CCAR1: variants seen among roughly 807,000 people sequenced by gnomAD.
CCAR1 encodes cell division cycle and apoptosis regulator 1, also known as cell division cycle and apoptosis regulator protein 1.
A neutral mutation model predicts 163.8 loss-of-function variants in CCAR1; 78 were observed. That is an observed-to-expected ratio of 0.48 (90% confidence interval 0.40 to 0.57). The LOEUF (loss-of-function observed/expected upper bound fraction) is 0.57, where lower values mean the gene tolerates loss of function less well. CCAR1 is among the 20% of genes least tolerant of loss of function. CCAR1 has a pLI of 0.00. For missense variants in CCAR1, 1,019 were observed against 1,365.2 expected, an observed-to-expected ratio of 0.75 and a Z score of 4.00; for synonymous variants, 443 against 460.7, an observed-to-expected ratio of 0.96 and a Z score of 0.49.
intron 13 of CCAR1, 85 bp downstream of exon 13, chr10:68,755,621 C>A: frequency 8.6e-7 from 1 of 1,167,300 alleles, no homozygotes; most frequent in Non-Finnish European, 1.2e-6. Context: ...TTCCCCCCGG[C>A]TTATTTTAGC....
chr10:68,745,617 C>G (rs1226062048), intron 6 of CCAR1, among the ~76,000 whole-genome samples: 4 of 152,008 alleles, frequency 2.6e-5, no homozygotes. Flanking sequence ...GTGCCTACCA[C>G]CACGCCTGGC....
At chr10:68,753,764 A>G in intron 10 of CCAR1, 88 bp from the exon 11 acceptor site, 1 of 939,662 alleles carries the variant, frequency 1.1e-6, no homozygotes, top group East Asian at 2.4e-5. Context: ...ACTTTTTACT[A>G]TATCCAGTTA....
At chr10:68,753,452 T>G (rs997955175) in intron 10 of CCAR1, among the ~76,000 whole-genome samples, 1 of 152,184 alleles carries the variant, frequency 6.6e-6, no homozygotes, top group African/African-American at 2.4e-5. Flanking sequence ...AAAACCTGAT[T>G]GAGGGGCGTA....
At chr10:68,788,846 T>G (rs1385800467) in intron 23 of CCAR1, among the ~76,000 whole-genome samples, 1 of 152,154 alleles carries the variant, frequency 6.6e-6, no homozygotes, top group African/African-American at 2.4e-5. Context: ...TATCTGAATC[T>G]TAGGTCTTCC....
intron 19 of CCAR1, among the ~76,000 whole-genome samples, chr10:68,784,858 T>C (rs2133430668): frequency 6.6e-6 from 1 of 152,110 alleles, no homozygotes; most frequent in East Asian, 1.9e-4. Context: ...TTTTAATATA[T>C]GTACTTTTTT....
At chr10:68,775,294 A>G (rs1287878997) in intron 19 of CCAR1, among the ~76,000 whole-genome samples, 1 of 152,148 alleles carries the variant, frequency 6.6e-6, no homozygotes, top group Non-Finnish European at 1.5e-5. Flanking sequence ...TTGCTTTAAT[A>G]TAGTAACTCA....
At chr10:68,783,659 C>T (rs1391275036) in intron 19 of CCAR1, among the ~76,000 whole-genome samples, 3 of 152,118 alleles carry the variant, frequency 2.0e-5, no homozygotes, top group African/African-American at 7.2e-5. Flanking sequence ...GAGGGAATAA[C>T]TGCAGGTATG....
chr10:68,790,123 G>A (rs903906427), intron 24 of CCAR1, among the ~76,000 whole-genome samples: 1 of 152,102 alleles, frequency 6.6e-6, no homozygotes, highest in Non-Finnish European at 1.5e-5. Context: ...GGAGGCCAAC[G>A]CGGGCGGATC....
intron 19 of CCAR1, among the ~76,000 whole-genome samples, chr10:68,781,286 T>C (rs989204430): frequency 2.0e-5 from 3 of 152,122 alleles, no homozygotes; most frequent in African/African-American, 7.2e-5. Context: ...CTCATACCTG[T>C]AATCCCGGCA....
At chr10:68,758,540 G>A (rs1389864943) in intron 15 of CCAR1, among the ~76,000 whole-genome samples, 24 of 142,902 alleles carry the variant, frequency 1.7e-4, no homozygotes, top group Admixed American at 2.7e-4. Flanking sequence ...GTGTGTGTGT[G>A]TGTGTATACA....
rs2056368444 is a variant in CCAR1, at chr10:68,753,938, T to C, written c.1205T>C (p.Val402Ala). 6.2e-7 allele frequency: 1 copy of C among 1,613,890 alleles called. No individual in the cohort carries two copies. The change falls in exon 11 of 25, where the codon GTG becomes GCG. Residue 402 changes from valine to alanine, a missense_variant. Physicochemically the swap from Val to Ala is moderately conservative, Grantham distance 64 (BLOSUM62 0). Around this residue, in one of 4 missense-constraint regions of CCAR1, gnomAD observed 644 missense variants for 904.4 expected, o/e 0.71. Transcript: ENST00000265872. ...SDFFDAQFTW[V>A]DAFPLSRPFQ... is the part of the protein sequence containing the mutation. ...TTTTTTGATGCTCAATTTACATGGG[T>C]GGATGCTTTCCCTTTGTCAAGACCA...
intron 6 of CCAR1, 25 bp from the exon 7 acceptor site, chr10:68,747,136 T>C (rs2056266818): frequency 8.0e-7 from 1 of 1,242,842 alleles, no homozygotes; most frequent in East Asian, 2.4e-5. Flanking sequence ...TATATTTAAC[T>C]TTTTTTTTCT....
chr10:68,752,951 A>G (rs991316883), intron 10 of CCAR1, among the ~76,000 whole-genome samples: 1 of 151,034 alleles, frequency 6.6e-6, no homozygotes, highest in Non-Finnish European at 1.5e-5. Context: ...TTCTGTCTGT[A>G]GATAGAATAG....
chr10:68,746,895 T>C (rs761469165), intron 6 of CCAR1, among the ~76,000 whole-genome samples: 21 of 151,926 alleles, frequency 1.4e-4, no homozygotes, highest in Admixed American at 7.2e-4. Flanking sequence ...CTTTTTTTAT[T>C]ATTATTATTA....
chr10:68,775,218 A>G (rs1189166563), intron 19 of CCAR1, among the ~76,000 whole-genome samples: 1 of 152,190 alleles, frequency 6.6e-6, no homozygotes, highest in African/African-American at 2.4e-5. Context: ...CCACAATTCC[A>G]TAATCACACC....
At chr10:68,764,424 G>A (rs935923954) in intron 16 of CCAR1, among the ~76,000 whole-genome samples, 2 of 151,848 alleles carry the variant, frequency 1.3e-5, no homozygotes, top group Admixed American at 6.6e-5. Flanking sequence ...ACATGTGGCT[G>A]TAGTCTCAGC....
intron 19 of CCAR1, among the ~76,000 whole-genome samples, chr10:68,773,704 A>G (rs765447689): frequency 6.6e-6 from 1 of 151,836 alleles, no homozygotes; most frequent in Non-Finnish European, 1.5e-5. Flanking sequence ...GATGTTTCAT[A>G]TACTAATTTT....
At chr10:68,724,210 C>G (rs1487369713) in intron 2 of CCAR1, among the ~76,000 whole-genome samples, 1 of 152,060 alleles carries the variant, frequency 6.6e-6, no homozygotes, top group Non-Finnish European at 1.5e-5. Context: ...TGCCTGTAAT[C>G]CCAGCATTTT....
intron 2 of CCAR1, among the ~76,000 whole-genome samples, chr10:68,735,372 T>TC (rs544546584): frequency 5.9e-4 from 2 of 3,374 alleles, no homozygotes; most frequent in Admixed American, 9.4e-3. Flanking sequence ...GTTTTTGTGC[T>TC]TTTTTTTTTT....
Sources: gnomAD v4.1 joint callset for allele counts (sites outside exome capture counted in the v4.1 genomes callset) on GRCh38, gnomAD v4.1.1 for gene constraint, gnomAD v4.1.1 regional missense constraint, MANE v1.5 for transcripts, NCBI Gene and HGNC (gene_info 2026-07-23, HGNC 2026-07-21) for gene names.